The following FBXL13 variants were observed in gnomAD, a reference collection of about 807,000 sequenced individuals.
The protein encoded by FBXL13 is F-box and leucine rich repeat protein 13.
Under a neutral mutation model 83.6 loss-of-function variants are expected in FBXL13, and 67 were observed. The observed-to-expected ratio is 0.80, with a 90% CI of 0.66 to 0.98. The LOEUF (loss-of-function observed/expected upper bound fraction) is 0.98. Ranked by LOEUF, FBXL13 falls within the 50% of genes least tolerant of loss-of-function variation. The pLI, the probability that FBXL13 is intolerant of heterozygous loss-of-function variation, is 0.00. For synonymous variants in FBXL13, 272 were observed against 299.5 expected, an observed-to-expected ratio of 0.91 and a Z score of 0.95; for missense variants, 822 against 866.5, an observed-to-expected ratio of 0.95 and a Z score of 0.64.
intron 1 of FBXL13, among the ~76,000 whole-genome samples, chr7:103,066,226 G>A (rs2129503074): frequency 6.6e-6 from 1 of 152,248 alleles, no homozygotes; most frequent in East Asian, 1.9e-4. Context: ...CATTTTCTGG[G>A]AAGACATTAC....
intron 17 of FBXL13, among the ~76,000 whole-genome samples, chr7:102,835,247 C>T (rs558027118): frequency 1.3e-5 from 2 of 152,216 alleles, no homozygotes; most frequent in Admixed American, 1.3e-4. Context: ...CTGGCAACTA[C>T]GTGATGGCAA....
At chr7:103,051,790 G>C (rs1796841677) in intron 2 of FBXL13, among the ~76,000 whole-genome samples, 1 of 152,230 alleles carries the variant, frequency 6.6e-6, no homozygotes, top group Admixed American at 6.5e-5. Context: ...ATTAGGTATA[G>C]AACAGCTGGA....
chr7:102,945,673 A>G (rs957379491), intron 8 of FBXL13, among the ~76,000 whole-genome samples: 9 of 152,202 alleles, frequency 5.9e-5, no homozygotes, highest in African/African-American at 2.2e-4. Flanking sequence ...ATATTCTGCA[A>G]AGAGAAAAAT....
intron 6 of FBXL13, 76 bp from the exon 8 acceptor site, chr7:102,968,193 G>GTGTGTGCACGCACA: frequency 4.0e-5 from 38 of 954,886 alleles, no homozygotes; most frequent in Non-Finnish European, 5.6e-5. Context: ...TTTTGTCTGT[G>GTGTGTGCACGCACA]TGTGTGCACA....
At position 103,001,121 on chromosome 7, in the gene FBXL13, T is replaced by TA. The variant is rs201170996; in HGVS notation, c.495+23941_495+23942insT. On this transcript the variant is annotated intron_variant, in intron 6 of 19. Coordinates refer to ENST00000313221, the Ensembl canonical transcript of FBXL13. Reference sequence around the variant, plus strand: ...CACCACACCCAGTTCTATATATATATTTTTTTTTGATTTTTTTTTTGTAGA... The same window carrying TA: ...CACCACACCCAGTTCTATATATATATATTTTTTTTGATTTTTTTTTTGTAGA... 3.7e-4 allele frequency among the ~76,000 whole-genome samples: 55 copies of TA among 149,200 alleles called. No individual in the cohort carries two copies. In the East Asian group the frequency reaches 6.8e-3, roughly 18 times the overall value.
intron 11 of FBXL13, among the ~76,000 whole-genome samples, chr7:102,885,942 T>C (rs1810738976): frequency 6.6e-6 from 1 of 152,204 alleles, no homozygotes; most frequent in Admixed American, 6.5e-5. Context: ...AATGTATAGA[T>C]TTATTTCTGG....
chr7:102,834,145 G>GAAGAA (rs1156416197), intron 17 of FBXL13, among the ~76,000 whole-genome samples: 8 of 94,794 alleles, frequency 8.4e-5, no homozygotes, highest in African/African-American at 4.0e-4. Context: ...AAAGAAAAGA[G>GAAGAA]AAGACAAGAG....
rs147688492 is a variant in FBXL13 at position 102,953,241 on chromosome 7, C to T, written c.724+10292G>A. Reference sequence around the variant, plus strand: ...GTAATATTCCTTTTAAATATAGATGCAAATATCCTCAAAAAATATTAGCAA... The same window carrying T: ...GTAATATTCCTTTTAAATATAGATGTAAATATCCTCAAAAAATATTAGCAA... On this transcript the variant is annotated intron_variant, in intron 8 of 19. Coordinates refer to ENST00000313221, the Ensembl canonical transcript of FBXL13. 3.7e-3 allele frequency among the ~76,000 whole-genome samples: 566 copies of T among 151,976 alleles called. 5 individuals are homozygous for T. Among genetic ancestry groups the T allele is most frequent in the African/African-American group, 0.013 (559 of 41,428 alleles).
At chr7:102,835,064 C>T (rs1211694056) in intron 17 of FBXL13, among the ~76,000 whole-genome samples, 2 of 152,194 alleles carry the variant, frequency 1.3e-5, no homozygotes, top group East Asian at 3.8e-4. Flanking sequence ...ATGTATTGTA[C>T]TTTGAGAAAA....
chr7:102,973,485 T>C (rs1477943992), intron 6 of FBXL13: 1 of 761,434 alleles, frequency 1.3e-6, no homozygotes, highest in Admixed American at 1.7e-5. Context: ...CCTACTCATT[T>C]GGTGCTGACG....
At chr7:102,938,457 A>T (rs1451447582) in intron 8 of FBXL13, among the ~76,000 whole-genome samples, 1 of 152,198 alleles carries the variant, frequency 6.6e-6, no homozygotes, top group Admixed American at 6.5e-5. Flanking sequence ...CTAAATGGGG[A>T]AATTACCTGG....
chr7:103,047,330 C>T (rs893365983), intron 2 of FBXL13, among the ~76,000 whole-genome samples: 2 of 152,134 alleles, frequency 1.3e-5, no homozygotes, highest in African/African-American at 4.8e-5. Flanking sequence ...TCAGGAAGGA[C>T]AAGATAGCCT....
chr7:102,955,104 A>G (rs1298443493), intron 8 of FBXL13, among the ~76,000 whole-genome samples: 1 of 152,218 alleles, frequency 6.6e-6, no homozygotes, highest in Non-Finnish European at 1.5e-5. Context: ...TCTCAGCACC[A>G]CATCGCACTT....
intron 19 of FBXL13, among the ~76,000 whole-genome samples, chr7:102,821,316 C>A (rs1050823059): frequency 1.3e-5 from 2 of 152,170 alleles, no homozygotes; most frequent in Non-Finnish European, 2.9e-5. Context: ...CCCTGCAGGC[C>A]TGGGCCCAGT....
At chr7:103,022,533 T>G (rs1331748919) in intron 6 of FBXL13, among the ~76,000 whole-genome samples, 1 of 146,142 alleles carries the variant, frequency 6.8e-6, no homozygotes. Context: ...CCAGAAATAA[T>G]GCCACACATC....
At chr7:103,056,048 A>G (rs1231086745) in intron 1 of FBXL13, among the ~76,000 whole-genome samples, 1 of 152,050 alleles carries the variant, frequency 6.6e-6, no homozygotes, top group East Asian at 1.9e-4. Context: ...GTATCATTCT[A>G]TGTCTTTGCA....
chr7:102,864,812 C>G (rs1807399727), intron 16 of FBXL13, among the ~76,000 whole-genome samples: 1 of 152,138 alleles, frequency 6.6e-6, no homozygotes, highest in African/African-American at 2.4e-5. Context: ...ACATGCATTG[C>G]CTTACTTAAT....
At chr7:102,851,750 GT>G (rs1007989171) in intron 17 of FBXL13, among the ~76,000 whole-genome samples, 1 of 151,990 alleles carries the variant, frequency 6.6e-6, no homozygotes, top group Non-Finnish European at 1.5e-5. Context: ...TGACTTTGGG[GT>G]TTTTTCTAAC....
chr7:102,996,145 C>T (rs1439272148), intron 6 of FBXL13, among the ~76,000 whole-genome samples: 3 of 152,134 alleles, frequency 2.0e-5, no homozygotes, highest in Non-Finnish European at 4.4e-5. Flanking sequence ...GACTTTTAAT[C>T]AATATATTGT....
Sources: allele counts gnomAD v4.1 joint callset (sites outside exome capture counted in the v4.1 genomes callset), GRCh38; gene constraint gnomAD v4.1.1; transcripts MANE v1.5; gene names NCBI Gene and HGNC (gene_info 2026-07-23, HGNC 2026-07-21).